Variants in C1orf87 observed in about 807,000 individuals in gnomAD.
C1orf87 encodes the protein chromosome 1 open reading frame 87.
A neutral mutation model predicts 60.5 loss-of-function variants in C1orf87; 58 were observed. The observed-to-expected ratio is 0.96, with a 90% confidence interval of 0.78 to 1.19. C1orf87 has a LOEUF of 1.19. Ranked by LOEUF, C1orf87 falls within the 50% of genes most tolerant of loss-of-function variation. C1orf87 has a pLI of 0.00. For missense variants in C1orf87, 673 were observed against 638.6 expected, an observed-to-expected ratio of 1.05 and a Z score of -0.58; for synonymous variants, 236 against 227.4, an observed-to-expected ratio of 1.04 and a Z score of -0.34.
intron 7 of C1orf87, 58 bp from the exon 8 acceptor site, chr1:60,025,556 C>A (rs1645193388): frequency 1.6e-6 from 2 of 1,242,616 alleles, no homozygotes; most frequent in Non-Finnish European, 2.3e-6. Context: ...CAAAATGTTT[C>A]AATAGAATAC....
chr1:59,990,584 C>T lies in C1orf87; in HGVS notation c.*89G>A, dbSNP rs1644913673. On this transcript the variant is annotated 3_prime_UTR_variant, in exon 12 of 12. Coordinates refer to ENST00000371201, the MANE Select transcript of C1orf87 (RefSeq NM_152377.3). ...ATCGGCCTCCACTCTGACAATGCCT[C>T]CGCCACTACACTTAGGCTGGGGAGA... The T allele has an allele frequency of 6.7e-7, 1 of 1,486,464 alleles. No individual in the cohort carries two copies. Among genetic ancestry groups the T allele is most frequent in the Non-Finnish European group, 9.2e-7 (1 of 1,092,086 alleles). 92.1% of individuals were successfully genotyped at this position (1,486,464 alleles called of 1,614,324 possible).
intron 3 of C1orf87, among the ~76,000 whole-genome samples, chr1:60,044,143 C>T (rs1574318325): frequency 6.6e-6 from 1 of 152,196 alleles, no homozygotes; most frequent in Admixed American, 6.5e-5. Flanking sequence ...CATTCTCTTG[C>T]CTCAGCCTCC....
chr1:60,064,653 T>A (rs1645524269), intron 2 of C1orf87, among the ~76,000 whole-genome samples: 1 of 111,128 alleles, frequency 9.0e-6, no homozygotes. Flanking sequence ...ATATTTTATA[T>A]ATTAAATATA....
At chr1:60,028,057 G>T (rs904669209) in intron 7 of C1orf87, among the ~76,000 whole-genome samples, 1 of 152,112 alleles carries the variant, frequency 6.6e-6, no homozygotes, top group Non-Finnish European at 1.5e-5. Flanking sequence ...GTATATATGG[G>T]TGAAAGAGGC....
At chr1:60,058,874 G>T (rs1361579212) in intron 2 of C1orf87, among the ~76,000 whole-genome samples, 3 of 152,100 alleles carry the variant, frequency 2.0e-5, no homozygotes, top group Non-Finnish European at 4.4e-5. Context: ...AGGCAAAAAT[G>T]GTCTTTTGGC....
At chr1:60,019,018 G>T (rs1173357559) in intron 8 of C1orf87, among the ~76,000 whole-genome samples, 1 of 152,156 alleles carries the variant, frequency 6.6e-6, no homozygotes, top group Non-Finnish European at 1.5e-5. Flanking sequence ...CCCAGTAAAT[G>T]CTTGCTAAAT....
intron 8 of C1orf87, among the ~76,000 whole-genome samples, chr1:60,012,826 A>G (rs550740565): frequency 1.3e-5 from 2 of 152,158 alleles, no homozygotes; most frequent in Non-Finnish European, 2.9e-5. Flanking sequence ...CCAAAGGCAC[A>G]TGGATCAATG....
intron 2 of C1orf87, among the ~76,000 whole-genome samples, chr1:60,060,325 C>G (rs770923817): frequency 5.9e-5 from 9 of 152,058 alleles, no homozygotes; most frequent in Non-Finnish European, 8.8e-5. Context: ...TTCAGGTTCT[C>G]AGCTGTGAGA....
chr1:59,990,497 G>T lies in C1orf87; in HGVS notation c.*176C>A. The T allele has an allele frequency of 1.4e-6, 1 of 732,486 alleles. No individual in the cohort carries two copies. Among genetic ancestry groups the T allele is most frequent in the South Asian group, 1.9e-5 (1 of 52,054 alleles). 45.4% of individuals were successfully genotyped at this position (732,486 alleles called of 1,614,324 possible). A position where few individuals can be genotyped will look rare whatever the true frequency, so the allele number is the denominator to read the frequency against. On this transcript the variant is annotated 3_prime_UTR_variant, in exon 12 of 12. Transcript: ENST00000371201. ...AGGTTTCCTCTGATCACTTTGAACT[G>T]CTTATGAGTGAGCATCATAGCCAGA...
chr1:59,998,778 G>C (rs1343498453), intron 10 of C1orf87, among the ~76,000 whole-genome samples: 1 of 152,136 alleles, frequency 6.6e-6, no homozygotes, highest in Non-Finnish European at 1.5e-5. Flanking sequence ...CTGCAAATGA[G>C]AAAAAGCTGG....
rs192133843 is a variant in C1orf87 at position 60,040,128 on chromosome 1, G to T, written c.536C>A (p.Ala179Asp). The T allele has an allele frequency of 2.2e-5, 36 of 1,614,086 alleles. No homozygotes were observed. Among genetic ancestry groups the T allele is most frequent in the Non-Finnish European group, 3.1e-5 (36 of 1,180,014 alleles). ...TGACTTGAGTTCTCTTCTGACCAGGGCAAGAAGAAAAGCGTCTTCATTTGT... is the reference window on the plus strand; with the variant it reads ...TGACTTGAGTTCTCTTCTGACCAGGTCAAGAAGAAAAGCGTCTTCATTTGT... ...GTTNEDAFLL[A>D]LVRRELKSRP... The change falls in exon 5 of 12, where the codon GCC (alanine) becomes GAC (aspartate). Residue 179 changes from alanine to aspartate, a missense_variant. By Grantham distance (126) the Ala-to-Asp change is moderately radical. Coordinates refer to ENST00000371201, the MANE Select transcript of C1orf87 (RefSeq NM_152377.3).
At chr1:60,015,013 A>G (rs1439272844) in intron 8 of C1orf87, among the ~76,000 whole-genome samples, 2 of 152,174 alleles carry the variant, frequency 1.3e-5, no homozygotes, top group Non-Finnish European at 2.9e-5. Flanking sequence ...GAAACAAAAT[A>G]TGCCAGAAGG....
chr1:60,034,318 T>C (rs945995412), intron 6 of C1orf87, among the ~76,000 whole-genome samples: 1 of 152,220 alleles, frequency 6.6e-6, no homozygotes, highest in African/African-American at 2.4e-5. Context: ...ATTCACTGAT[T>C]TTATGAAACT....
intron 3 of C1orf87, among the ~76,000 whole-genome samples, chr1:60,052,595 C>T (rs1396650022): frequency 6.6e-6 from 1 of 152,228 alleles, no homozygotes; most frequent in East Asian, 1.9e-4. Context: ...ACTCTTCGAA[C>T]TTACTCTGTG....
chr1:59,999,234 A>G (rs1644984618), intron 10 of C1orf87, among the ~76,000 whole-genome samples: 1 of 152,188 alleles, frequency 6.6e-6, no homozygotes, highest in Non-Finnish European at 1.5e-5. Flanking sequence ...ATGGAATGCT[A>G]TATGAAATTG....
At chr1:60,055,899 A>G (rs971968510) in intron 2 of C1orf87, among the ~76,000 whole-genome samples, 6 of 152,074 alleles carry the variant, frequency 3.9e-5, no homozygotes, top group African/African-American at 1.2e-4. Flanking sequence ...AGAAAAGAAA[A>G]AAAAAACTGT....
chr1:59,997,937 A>C, intron 10 of C1orf87, 121 bp from the exon 11 acceptor site: 2 of 923,766 alleles, frequency 2.2e-6, no homozygotes, highest in Non-Finnish European at 3.2e-6. Context: ...TTGGAAAGCT[A>C]AGAGGATGAG....
intron 7 of C1orf87, among the ~76,000 whole-genome samples, chr1:60,029,003 C>T (rs1202412816): frequency 6.6e-6 from 1 of 152,128 alleles, no homozygotes; most frequent in East Asian, 1.9e-4. Flanking sequence ...AATTCCACTC[C>T]ATATTGAAAA....
At chr1:60,072,444 G>A in intron 2 of C1orf87, 93 bp downstream of exon 2, 4 of 961,154 alleles carry the variant, frequency 4.2e-6, no homozygotes, top group East Asian at 2.5e-5. Context: ...TCCATGGATG[G>A]CATTTTTTAA....
Sources: allele counts gnomAD v4.1 joint callset (sites outside exome capture counted in the v4.1 genomes callset), GRCh38; gene constraint gnomAD v4.1.1; transcripts MANE v1.5; gene names NCBI Gene and HGNC (gene_info 2026-07-23, HGNC 2026-07-21).